PRDM16: variants seen among roughly 807,000 people sequenced by gnomAD.
PRDM16 encodes the protein histone-lysine N-methyltransferase PRDM16.
PRDM16 carries 23 observed loss-of-function variants against 110.6 expected under a neutral mutation model. The ratio of observed to expected loss-of-function variants is 0.21; its 90% confidence interval spans 0.15 to 0.29. The LOEUF is 0.29. Ranked by LOEUF, PRDM16 falls within the 10% of genes least tolerant of loss-of-function variation. The probability of loss-of-function intolerance (pLI) is 1.00; values close to 1 mark genes in which losing one functional copy is unlikely to be tolerated. For synonymous variants in PRDM16, 799 were observed against 781.8 expected, an observed-to-expected ratio of 1.02 and a Z score of -0.37; for missense variants, 1,615 against 1,794.3, an observed-to-expected ratio of 0.90 and a Z score of 1.81.
intron 1 of PRDM16, among the ~76,000 whole-genome samples, chr1:3,163,823 T>C (rs1202731953): frequency 2.0e-5 from 3 of 152,192 alleles, no homozygotes; most frequent in African/African-American, 7.2e-5. Flanking sequence ...GTCATTTGGA[T>C]AAGGGAGCCA....
rs752843943 is a variant in PRDM16, at chr1:3,074,580, C to T, written c.37+5284C>T. Among the ~76,000 whole-genome samples the T allele has an allele frequency of 2.2e-4, 33 of 151,404 alleles. 1 individual carries two copies. Among genetic ancestry groups the T allele is most frequent in the Non-Finnish European group, 3.4e-4 (23 of 68,038 alleles). On this transcript the variant is annotated intron_variant, in intron 1 of 16. Transcript: ENST00000270722. ...TGCAGGCTGGACTCCCGCTGGGCTC[C>T]GTCCCCCACAGCTCCTGCCCCTTCT...
At chr1:3,368,257 T>G (rs1295027184) in intron 3 of PRDM16, among the ~76,000 whole-genome samples, 1 of 152,208 alleles carries the variant, frequency 6.6e-6, no homozygotes, top group Non-Finnish European at 1.5e-5. Flanking sequence ...CGTGGCGGAC[T>G]TCCCAGCTCA....
At chr1:3,342,131 G>A (rs12402533) in intron 3 of PRDM16, among the ~76,000 whole-genome samples, 3,187 of 152,260 alleles carry the variant, frequency 0.021, 165 homozygotes, top group Admixed American at 0.1. Context: ...GGGGAGCCTC[G>A]TGCCGGCGTG....
At chr1:3,295,382 C>T (rs1184770974) in intron 3 of PRDM16, among the ~76,000 whole-genome samples, 1 of 151,000 alleles carries the variant, frequency 6.6e-6, no homozygotes, top group African/African-American at 2.5e-5. Flanking sequence ...CTCCTCACCG[C>T]GGCTGGTCCC....
intron 1 of PRDM16, among the ~76,000 whole-genome samples, chr1:3,124,954 G>T (rs944524677): frequency 6.6e-6 from 1 of 152,216 alleles, no homozygotes; most frequent in Non-Finnish European, 1.5e-5. Flanking sequence ...TGTGGCCCCT[G>T]TGTGTCCTGG....
At position 3,246,917 on chromosome 1, in the gene PRDM16, G is replaced by A. The variant is rs370458165; in HGVS notation, c.438+2780G>A. ...CAGGACAGACAGCCCTCGAGTGGGC[G>A]TCAGTCCAGACGGAGACCCCACCCT... On this transcript the variant is annotated intron_variant, in intron 3 of 16. Coordinates refer to ENST00000270722, the MANE Select transcript of PRDM16 (RefSeq NM_022114.4). This position sits in a 1 kb window ranked among gnomAD's most constrained non-coding sequence, Gnocchi z 5.2. 7.2e-5 allele frequency among the ~76,000 whole-genome samples: 11 copies of A among 152,260 alleles called. No individual in the cohort carries two copies. The East Asian group carries it at 7.7e-4, about 11-fold the overall frequency.
At chr1:3,169,656 A>C (rs1280343372) in intron 1 of PRDM16, among the ~76,000 whole-genome samples, 2 of 152,194 alleles carry the variant, frequency 1.3e-5, no homozygotes, top group African/African-American at 4.8e-5. Flanking sequence ...AAGAAAAAAA[A>C]ACAGAGCCCG....
chr1:3,362,381 G>A (rs544912057), intron 3 of PRDM16, among the ~76,000 whole-genome samples: 36 of 152,330 alleles, frequency 2.4e-4, no homozygotes, highest in African/African-American at 6.7e-4. Flanking sequence ...AAGCAGACTC[G>A]GGCTCACAAC....
chr1:3,216,548 G>A (rs1639035487), intron 2 of PRDM16, among the ~76,000 whole-genome samples: 2 of 152,194 alleles, frequency 1.3e-5, no homozygotes, highest in Admixed American at 1.3e-4. Context: ...GTCCCCCGCC[G>A]AACCAGGCCT....
chr1:3,304,242 G>A (rs1641264215), intron 3 of PRDM16, among the ~76,000 whole-genome samples: 1 of 151,750 alleles, frequency 6.6e-6, no homozygotes, highest in Non-Finnish European at 1.5e-5. Flanking sequence ...GTGCTGGGGA[G>A]CGCAGGAGGC....
chr1:3,362,920 G>A (rs938946915), intron 3 of PRDM16, among the ~76,000 whole-genome samples: 11 of 152,186 alleles, frequency 7.2e-5, no homozygotes, highest in Non-Finnish European at 1.5e-5. Context: ...GTTCACACAG[G>A]AACGAGCCCT....
At chr1:3,417,322 C>T (rs1243560640) in intron 10 of PRDM16, among the ~76,000 whole-genome samples, 1 of 152,212 alleles carries the variant, frequency 6.6e-6, no homozygotes, top group East Asian at 1.9e-4. Context: ...TCTGCAGGCC[C>T]ACAATCTATG....
intron 1 of PRDM16, among the ~76,000 whole-genome samples, chr1:3,135,474 A>G (rs1051923876): frequency 1.3e-5 from 2 of 152,194 alleles, no homozygotes; most frequent in African/African-American, 4.8e-5. Context: ...AGTGAGTTCA[A>G]CGTGCCAGGA....
intron 10 of PRDM16, among the ~76,000 whole-genome samples, chr1:3,415,940 C>T (rs770899915): frequency 7.9e-5 from 12 of 152,230 alleles, no homozygotes; most frequent in Admixed American, 1.3e-4. Flanking sequence ...CTCCGGGCTG[C>T]GGAGGGGCTG....
At chr1:3,086,827 G>A (rs890207065) in intron 1 of PRDM16, among the ~76,000 whole-genome samples, 1 of 152,182 alleles carries the variant, frequency 6.6e-6, no homozygotes, top group Non-Finnish European at 1.5e-5. Flanking sequence ...AAGATCTGCA[G>A]AAATGCGCTC....
chr1:3,355,003 T>A (rs1299319506), intron 3 of PRDM16, among the ~76,000 whole-genome samples: 3 of 152,054 alleles, frequency 2.0e-5, no homozygotes, highest in Admixed American at 2.0e-4. Flanking sequence ...CAGAAACCTG[T>A]AGAGTGCTCT....
chr1:3,121,878 G>A (rs912924761), intron 1 of PRDM16, among the ~76,000 whole-genome samples: 2 of 152,202 alleles, frequency 1.3e-5, no homozygotes, highest in African/African-American at 4.8e-5. Flanking sequence ...CTGCAGCCCC[G>A]TCAGTACCCT....
At chr1:3,182,418 C>T (rs1644222125) in intron 1 of PRDM16, among the ~76,000 whole-genome samples, 1 of 152,176 alleles carries the variant, frequency 6.6e-6, no homozygotes, top group African/African-American at 2.4e-5. Context: ...GCACAGTGGT[C>T]CTGATCTGTG....
intron 1 of PRDM16, among the ~76,000 whole-genome samples, chr1:3,136,851 G>A (rs1643449061): frequency 6.6e-6 from 1 of 152,220 alleles, no homozygotes; most frequent in Non-Finnish European, 1.5e-5. Context: ...GGGGGTCCGG[G>A]ATGCTGGGAA....
Sources: allele counts gnomAD v4.1 joint callset (sites outside exome capture counted in the v4.1 genomes callset), GRCh38; gene constraint gnomAD v4.1.1; non-coding constraint Gnocchi (gnomAD v3.1); transcripts MANE v1.5; gene names NCBI Gene and HGNC (gene_info 2026-07-23, HGNC 2026-07-21).